CNTNAP2: variants seen among roughly 807,000 people sequenced by gnomAD.
CNTNAP2 encodes the protein contactin associated protein 2.
Under a neutral mutation model 155.2 loss-of-function variants are expected in CNTNAP2, and 98 were observed. The ratio of observed to expected loss-of-function variants is 0.63; its 90% confidence interval spans 0.54 to 0.75. The LOEUF (loss-of-function observed/expected upper bound fraction) is 0.75. Among genes scored for constraint, CNTNAP2 ranks in the 30% least tolerant of loss-of-function variants. CNTNAP2 has a pLI of 0.00. For synonymous variants in CNTNAP2, 651 were observed against 631.2 expected, an observed-to-expected ratio of 1.03 and a Z score of -0.47; for missense variants, 1,727 against 1,688.1, an observed-to-expected ratio of 1.02 and a Z score of -0.40.
intron 3 of CNTNAP2, among the ~76,000 whole-genome samples, chr7:146,970,645 C>T (rs1443516039): frequency 6.6e-6 from 1 of 152,052 alleles, no homozygotes; most frequent in Non-Finnish European, 1.5e-5. Flanking sequence ...TTGTGGAAGT[C>T]AGTGTGGCGA....
intron 1 of CNTNAP2, among the ~76,000 whole-genome samples, chr7:146,149,815 A>C (rs896699169): frequency 6.6e-6 from 1 of 151,470 alleles, no homozygotes; most frequent in African/African-American, 2.4e-5. Flanking sequence ...ATATAGAAGA[A>C]TATTTCCTGG....
intron 3 of CNTNAP2, among the ~76,000 whole-genome samples, chr7:146,863,911 C>T (rs984012647): frequency 6.6e-6 from 1 of 152,048 alleles, no homozygotes; most frequent in African/African-American, 2.4e-5. Context: ...TTATCAAGTG[C>T]TTTTCAATAT....
At chr7:146,766,931 A>G (rs559684858) in intron 1 of CNTNAP2, among the ~76,000 whole-genome samples, 1 of 152,154 alleles carries the variant, frequency 6.6e-6, no homozygotes. Context: ...ATCTAGTAGG[A>G]AACAAGAGAG....
intron 1 of CNTNAP2, among the ~76,000 whole-genome samples, chr7:146,171,534 T>C (rs1051644532): frequency 6.6e-6 from 1 of 152,178 alleles, no homozygotes; most frequent in African/African-American, 2.4e-5. Context: ...AGGTTTGTTT[T>C]AATCAACTCA....
At chr7:146,148,590 G>A (rs902016013) in intron 1 of CNTNAP2, among the ~76,000 whole-genome samples, 2 of 151,892 alleles carry the variant, frequency 1.3e-5, no homozygotes, top group African/African-American at 4.8e-5. Context: ...TTTTTATGCT[G>A]GGAAATTCAG....
At chr7:146,858,730 C>G (rs1452797134) in intron 3 of CNTNAP2, among the ~76,000 whole-genome samples, 2 of 152,080 alleles carry the variant, frequency 1.3e-5, no homozygotes, top group Non-Finnish European at 2.9e-5. Flanking sequence ...TAAAATTTAG[C>G]TACCCCATAT....
chr7:146,228,878 A>G (rs537121998), intron 1 of CNTNAP2, among the ~76,000 whole-genome samples: 115 of 152,264 alleles, frequency 7.6e-4, no homozygotes, highest in South Asian at 5.8e-3. Flanking sequence ...TTTCTCATCC[A>G]CAAAGTTTAT....
At chr7:148,094,891 T>C (rs776698287) in intron 15 of CNTNAP2, among the ~76,000 whole-genome samples, 1 of 152,116 alleles carries the variant, frequency 6.6e-6, no homozygotes, top group African/African-American at 2.4e-5. Context: ...AATGGGAAGA[T>C]AGTTGAGATC....
chr7:146,274,280 G>C (rs1800129650), intron 1 of CNTNAP2, among the ~76,000 whole-genome samples: 5 of 152,186 alleles, frequency 3.3e-5, no homozygotes, highest in Admixed American at 3.3e-4. Context: ...AAGCCTCCCA[G>C]GGCTGCTTTG....
intron 13 of CNTNAP2, among the ~76,000 whole-genome samples, chr7:147,900,041 C>T (rs552314571): frequency 1.3e-5 from 2 of 152,276 alleles, no homozygotes; most frequent in South Asian, 4.2e-4. Context: ...CTCTAGTGAC[C>T]TTCCAGCTGT....
Position 147,301,643 on chromosome 7 carries a change from TG to T in CNTNAP2, c.1498+1354del, listed in dbSNP as rs1794948655. Reference sequence around the variant, plus strand: ...GTGTGTGTGTGTGTGTGTGTGTGTGTGTTCTAGTTTTTAGAGTAAGGTGACA... The same window carrying T: ...GTGTGTGTGTGTGTGTGTGTGTGTGTTTCTAGTTTTTAGAGTAAGGTGACA... On this transcript the variant is annotated intron_variant, in intron 9 of 23. Transcript: ENST00000361727. Among the ~76,000 whole-genome samples, 6 of 143,930 alleles carry T rather than the reference TG, an allele frequency of 4.2e-5. No homozygotes were observed. In the Admixed American group the frequency reaches 4.2e-4, roughly 10 times the overall value. The allele number at this position is 143,930 out of a possible 152,430, so 94.4% of individuals were successfully genotyped here.
intron 15 of CNTNAP2, among the ~76,000 whole-genome samples, chr7:148,098,444 G>GAAA (rs61014019): frequency 0.032 from 1,789 of 56,376 alleles, 412 homozygotes; most frequent in Middle Eastern, 0.067. Flanking sequence ...CTCTGTCTCA[G>GAAA]AAAAAAAAAA....
chr7:146,755,859 T>C (rs1801986578), intron 1 of CNTNAP2, among the ~76,000 whole-genome samples: 2 of 152,066 alleles, frequency 1.3e-5, no homozygotes, highest in African/African-American at 2.4e-5. Flanking sequence ...TCCTGTGGGG[T>C]CTACAGTGAC....
Position 147,142,712 on chromosome 7 carries a change from C to A in CNTNAP2, c.1348+10203C>A, listed in dbSNP as rs191623478. Among the ~76,000 whole-genome samples, 141 of 152,204 alleles carry A rather than the reference C, an allele frequency of 9.3e-4. 1 individual carries two copies. The highest frequency in any genetic ancestry group is 1.4e-3 in the Non-Finnish European group (98 of 68,002). ...GCACATGTATACATATGTAACTAAC[C>A]TGCATGTTGTGCACATGTACCCTAA... On this transcript the variant is annotated intron_variant, in intron 8 of 23. Transcript: ENST00000361727.
At chr7:146,246,972 T>C (rs1248918367) in intron 1 of CNTNAP2, among the ~76,000 whole-genome samples, 3 of 152,116 alleles carry the variant, frequency 2.0e-5, no homozygotes, top group African/African-American at 7.2e-5. Context: ...GCAACTTTTT[T>C]CTATTATTGT....
chr7:147,467,885 G>A (rs566876638), intron 10 of CNTNAP2, among the ~76,000 whole-genome samples: 1 of 151,672 alleles, frequency 6.6e-6, no homozygotes, highest in South Asian at 2.1e-4. Context: ...TTAAAAATCA[G>A]CCAGGCATGG....
intron 1 of CNTNAP2, among the ~76,000 whole-genome samples, chr7:146,171,064 T>C (rs1798382816): frequency 6.6e-6 from 1 of 152,032 alleles, no homozygotes; most frequent in African/African-American, 2.4e-5. Flanking sequence ...GAGTTATTCA[T>C]ATGTGTGGAT....
chr7:146,822,570 T>C (rs1026698756), intron 2 of CNTNAP2, among the ~76,000 whole-genome samples: 101 of 150,920 alleles, frequency 6.7e-4, no homozygotes, highest in African/African-American at 2.3e-3. Context: ...TGTCTGAGTA[T>C]TAAGTATTTT....
chr7:146,335,071 C>T (rs1801251720), intron 1 of CNTNAP2, among the ~76,000 whole-genome samples: 1 of 152,178 alleles, frequency 6.6e-6, no homozygotes. Context: ...ATCTTTGCAT[C>T]CCTAGTACCT....
Sources: allele counts gnomAD v4.1 joint callset (sites outside exome capture counted in the v4.1 genomes callset), GRCh38; gene constraint gnomAD v4.1.1; transcripts MANE v1.5; gene names NCBI Gene and HGNC (gene_info 2026-07-23, HGNC 2026-07-21).